Variants in EHD4 observed in about 807,000 individuals in gnomAD.
EHD4 encodes the protein EH domain-containing protein 4.
In EHD4, 37 loss-of-function variants were observed where a neutral mutation model predicts 51.0. That is an observed-to-expected ratio of 0.73 (90% confidence interval 0.56 to 0.95). The LOEUF (loss-of-function observed/expected upper bound fraction) is 0.95, where lower values mean the gene tolerates loss of function less well. Ranked by LOEUF, EHD4 falls within the 40% of genes least tolerant of loss-of-function variation. The pLI is 0.00. For missense variants in EHD4, 632 were observed against 733.1 expected, an observed-to-expected ratio of 0.86 and a Z score of 1.59; for synonymous variants, 297 against 317.3, an observed-to-expected ratio of 0.94 and a Z score of 0.68.
In EHD4 at chr15:41,896,576, C is replaced by G. The variant is rs915081460; in HGVS notation, c.*4069G>C. The G allele has an allele frequency of 6.7e-6, 1 of 149,644 alleles. No individual in the cohort carries two copies. Among genetic ancestry groups the G allele is most frequent in the Non-Finnish European group, 1.5e-5 (1 of 67,710 alleles). 9.3% of individuals were successfully genotyped at this position (149,644 alleles called of 1,614,324 possible). On this transcript the variant is annotated 3_prime_UTR_variant, in exon 6 of 6. Transcript: ENST00000220325. ...CTGCAAGGAGACTGTAGGTCTGGAC[C>G]ACCAAAAAGGTAGATGGGTTGGTGG... is the stretch of plus-strand genomic sequence containing the variant.
chr15:41,951,773 G>C (rs2067853980), intron 2 of EHD4, among the ~76,000 whole-genome samples: 1 of 152,190 alleles, frequency 6.6e-6, no homozygotes. Flanking sequence ...TGAGAGATCT[G>C]GAGAGTTGAC....
chr15:41,912,161 A>G (rs980405983), intron 4 of EHD4, among the ~76,000 whole-genome samples: 6 of 152,132 alleles, frequency 3.9e-5, no homozygotes, highest in South Asian at 2.1e-4. Context: ...ATCTTGTGCC[A>G]GGTCTCAACT....
intron 2 of EHD4, among the ~76,000 whole-genome samples, chr15:41,948,123 G>A (rs1028868133): frequency 1.3e-5 from 2 of 152,078 alleles, no homozygotes; most frequent in African/African-American, 4.8e-5. Flanking sequence ...GTGTGGTGGT[G>A]AGCACCTGTA....
At chr15:41,946,507 T>A (rs1351991963) in intron 2 of EHD4, among the ~76,000 whole-genome samples, 2 of 152,112 alleles carry the variant, frequency 1.3e-5, no homozygotes, top group African/African-American at 4.8e-5. Flanking sequence ...GTGGGGACGA[T>A]CTCTTGAACC....
At chr15:41,930,285 T>C (rs1272041138) in intron 3 of EHD4, among the ~76,000 whole-genome samples, 2 of 152,198 alleles carry the variant, frequency 1.3e-5, no homozygotes, top group Admixed American at 6.5e-5. Flanking sequence ...ATTTTTCAAG[T>C]GGGCTTTGTG....
intron 3 of EHD4, among the ~76,000 whole-genome samples, chr15:41,937,983 C>T (rs2067743301): frequency 6.6e-6 from 1 of 152,186 alleles, no homozygotes; most frequent in Admixed American, 6.5e-5. Flanking sequence ...GGACCCAAGC[C>T]TAAACACTAA....
intron 3 of EHD4, among the ~76,000 whole-genome samples, chr15:41,934,622 T>C (rs2067720001): frequency 6.6e-6 from 1 of 152,114 alleles, no homozygotes; most frequent in African/African-American, 2.4e-5. Context: ...TGAAGCAGCA[T>C]TTTAACAGCT....
intron 4 of EHD4, among the ~76,000 whole-genome samples, chr15:41,911,849 C>T (rs2067551762): frequency 6.6e-6 from 1 of 152,156 alleles, no homozygotes; most frequent in African/African-American, 2.4e-5. Context: ...TCACCACGTA[C>T]TAGTAAGGTA....
At chr15:41,918,051 A>T (rs530690342) in intron 4 of EHD4, among the ~76,000 whole-genome samples, 1 of 152,310 alleles carries the variant, frequency 6.6e-6, no homozygotes, top group African/African-American at 2.4e-5. Flanking sequence ...GCACGAGGAC[A>T]GGCTGCTAAT....
At chr15:41,916,526 C>T (rs987191195) in intron 4 of EHD4, among the ~76,000 whole-genome samples, 8 of 152,188 alleles carry the variant, frequency 5.3e-5, no homozygotes, top group African/African-American at 1.9e-4. Flanking sequence ...AAAAGGAAAA[C>T]TGGATCAAGA....
chr15:41,944,200 G>C (rs950389978), intron 2 of EHD4, among the ~76,000 whole-genome samples: 2 of 152,188 alleles, frequency 1.3e-5, no homozygotes, highest in Non-Finnish European at 2.9e-5. Context: ...ACATGAAAAT[G>C]GTGGCTTCCC....
In EHD4 at chr15:41,905,185, C is replaced by T. The variant is rs958853648; in HGVS notation, c.1090-4004G>A. Reference sequence around the variant, plus strand: ...CCACACACGCGCCCCTCAAAGCTTCCGGTGACAGCAAGCTAGCTTGCAGTA... The same window carrying T: ...CCACACACGCGCCCCTCAAAGCTTCTGGTGACAGCAAGCTAGCTTGCAGTA... On this transcript the variant is annotated intron_variant, in intron 5 of 5. Transcript: ENST00000220325. 8.5e-5 allele frequency among the ~76,000 whole-genome samples: 13 copies of T among 152,310 alleles called. No homozygotes were observed. The East Asian group carries it at 1.4e-3, about 16-fold the overall frequency.
intron 3 of EHD4, among the ~76,000 whole-genome samples, chr15:41,937,208 T>G (rs2067737329): frequency 6.6e-6 from 1 of 152,250 alleles, no homozygotes; most frequent in African/African-American, 2.4e-5. Context: ...TCGAGTCTCC[T>G]GCCACATGCG....
chr15:41,945,122 T>G (rs2067802920), intron 2 of EHD4, among the ~76,000 whole-genome samples: 1 of 152,192 alleles, frequency 6.6e-6, no homozygotes, highest in African/African-American at 2.4e-5. Context: ...TCCCATTCTT[T>G]CCATCAGATG....
intron 1 of EHD4, among the ~76,000 whole-genome samples, chr15:41,957,159 G>A (rs2067893527): frequency 6.6e-6 from 1 of 152,042 alleles, no homozygotes; most frequent in African/African-American, 2.4e-5. Context: ...GAGAAACCCC[G>A]TCTCTACAAA....
At chr15:41,911,768 A>G (rs955822692) in intron 4 of EHD4, among the ~76,000 whole-genome samples, 2 of 151,814 alleles carry the variant, frequency 1.3e-5, no homozygotes, top group Admixed American at 6.6e-5. Flanking sequence ...TATTGAGACC[A>G]CCCCCTTCCC....
At chr15:41,901,663 CA>C (rs1341814049) in intron 5 of EHD4, among the ~76,000 whole-genome samples, 1 of 152,212 alleles carries the variant, frequency 6.6e-6, no homozygotes, top group Non-Finnish European at 1.5e-5. Flanking sequence ...TGTGCTGGAA[CA>C]CAGAGCTGTG....
At chr15:41,942,143 C>T (rs1387085474) in intron 3 of EHD4, 1 of 152,302 alleles carries the variant, frequency 6.6e-6, no homozygotes, top group Non-Finnish European at 1.5e-5. Flanking sequence ...TCCTGACCCT[C>T]CCGATCAGGC....
Position 41,941,193 on chromosome 15 carries a change from T to C in EHD4, c.511+1874A>G, listed in dbSNP as rs538770425. On this transcript the variant is annotated intron_variant, in intron 3 of 5. Coordinates refer to ENST00000220325, the MANE Select transcript of EHD4 (RefSeq NM_139265.4). ...CCATCCACAGCACTATTTGTAAGCA[T>C]AAAAACTGATTAACCATCATGATGT... Among the ~76,000 whole-genome samples the C allele has an allele frequency of 5.3e-5, 8 of 152,278 alleles. 1 individual carries two copies. In the South Asian group the frequency reaches 1.7e-3, roughly 32 times the overall value.
Sources: gnomAD v4.1 joint callset for allele counts (sites outside exome capture counted in the v4.1 genomes callset) on GRCh38, gnomAD v4.1.1 for gene constraint, MANE v1.5 for transcripts, NCBI Gene and HGNC (gene_info 2026-07-23, HGNC 2026-07-21) for gene names.